The following PPFIA2 variants were observed in gnomAD, a reference collection of about 807,000 sequenced individuals.
PPFIA2 encodes PPFI scaffold protein A2, also known as liprin-alpha-2.
A neutral mutation model predicts 175.5 loss-of-function variants in PPFIA2; 46 were observed. The ratio of observed to expected loss-of-function variants is 0.26; its 90% confidence interval spans 0.21 to 0.34. PPFIA2 has a LOEUF of 0.34. PPFIA2 is among the 10% of genes least tolerant of loss of function. PPFIA2 has a pLI of 1.00. For synonymous variants in PPFIA2, 568 were observed against 511.4 expected (o/e 1.11, Z -1.49); for missense variants, 1,179 against 1,506.1 (o/e 0.78, Z 3.60).
chr12:81,539,749 G>A (rs1231589526), intron 4 of PPFIA2, among the ~76,000 whole-genome samples: 1 of 151,890 alleles, frequency 6.6e-6, no homozygotes, highest in Non-Finnish European at 1.5e-5. Flanking sequence ...ACTAGATACA[G>A]AACGAAGCAG....
At chr12:81,337,846 C>T (rs2057368922) in intron 21 of PPFIA2, among the ~76,000 whole-genome samples, 1 of 152,018 alleles carries the variant, frequency 6.6e-6, no homozygotes, top group African/African-American at 2.4e-5. Flanking sequence ...TAAGATAAAA[C>T]AAATTTTAAA....
At chr12:81,303,654 G>C (rs942420905) in intron 22 of PPFIA2, among the ~76,000 whole-genome samples, 1 of 152,086 alleles carries the variant, frequency 6.6e-6, no homozygotes, top group Non-Finnish European at 1.5e-5. Context: ...CCCAACATGT[G>C]GTGAGCACTC....
At chr12:81,737,219 G>A (rs552755373) in intron 3 of PPFIA2, among the ~76,000 whole-genome samples, 2 of 152,036 alleles carry the variant, frequency 1.3e-5, no homozygotes, top group South Asian at 4.1e-4. Context: ...AAAAAGGAGA[G>A]GCTGGCTCAG....
At chr12:81,585,921 G>A (rs573598509) in intron 4 of PPFIA2, among the ~76,000 whole-genome samples, 3 of 151,996 alleles carry the variant, frequency 2.0e-5, no homozygotes, top group Admixed American at 6.6e-5. Context: ...CCACCAGCAT[G>A]ATGCATTGTG....
At chr12:81,419,413 T>C (rs1312683374) in intron 7 of PPFIA2, among the ~76,000 whole-genome samples, 3 of 152,146 alleles carry the variant, frequency 2.0e-5, no homozygotes, top group Non-Finnish European at 4.4e-5. Context: ...GTTATTATTG[T>C]TGTTTTTATA....
At chr12:81,425,266 A>G (rs1020438578) in intron 7 of PPFIA2, among the ~76,000 whole-genome samples, 1 of 152,222 alleles carries the variant, frequency 6.6e-6, no homozygotes, top group Non-Finnish European at 1.5e-5. Flanking sequence ...CAGCACTTAC[A>G]TAAATATACT....
intron 3 of PPFIA2, among the ~76,000 whole-genome samples, chr12:81,713,006 CG>C (rs2078143765): frequency 6.6e-6 from 1 of 151,010 alleles, no homozygotes; most frequent in Non-Finnish European, 1.5e-5. Context: ...TAAAATGTCA[CG>C]ATTAACTTTT....
chr12:81,500,129 G>C (rs1378520992), intron 4 of PPFIA2, among the ~76,000 whole-genome samples: 1 of 151,996 alleles, frequency 6.6e-6, no homozygotes, highest in Non-Finnish European at 1.5e-5. Flanking sequence ...TAGTGAACAC[G>C]CACTTATCTT....
intron 4 of PPFIA2, among the ~76,000 whole-genome samples, chr12:81,575,702 T>C (rs2073394666): frequency 6.6e-6 from 1 of 151,728 alleles, no homozygotes; most frequent in Admixed American, 6.6e-5. Context: ...CAGAGGAACA[T>C]GATCATATCT....
At chr12:81,704,901 T>C (rs886771252) in intron 3 of PPFIA2, among the ~76,000 whole-genome samples, 5 of 149,100 alleles carry the variant, frequency 3.4e-5, no homozygotes, top group African/African-American at 9.9e-5. Context: ...CTGACCAACA[T>C]GGTGAAATCC....
intron 4 of PPFIA2, among the ~76,000 whole-genome samples, chr12:81,520,258 A>C (rs145674148): frequency 3.9e-5 from 6 of 152,336 alleles, no homozygotes; most frequent in Middle Eastern, 3.4e-3. Context: ...CAGGTAGTGC[A>C]GACAGCATGG....
At chr12:81,334,620 C>T (rs1328824050) in intron 21 of PPFIA2, among the ~76,000 whole-genome samples, 1 of 152,104 alleles carries the variant, frequency 6.6e-6, no homozygotes, top group African/African-American at 2.4e-5. Flanking sequence ...AATGGTTCCA[C>T]TTATTTGCAT....
chr12:81,488,671 G>A (rs188677514), intron 4 of PPFIA2, among the ~76,000 whole-genome samples: 369 of 151,752 alleles, frequency 2.4e-3, no homozygotes, highest in Non-Finnish European at 4.5e-3. Flanking sequence ...TCATTCTTTA[G>A]GGCTTTGATG....
rs146868869 is a variant in PPFIA2, at chr12:81,303,159, T to C, written c.2643-3777A>G. On this transcript the variant is annotated intron_variant, in intron 22 of 32. Coordinates refer to ENST00000549396, the MANE Select transcript of PPFIA2 (RefSeq NM_003625.5). ...TCTTTGTAGCCAGAATTCAACTTTT[T>C]TTAAAGGTCAAGTGACAGTTCATCC... 9.8e-5 allele frequency among the ~76,000 whole-genome samples: 15 copies of C among 152,320 alleles called. No homozygotes were observed. The East Asian group carries it at 2.5e-3, about 25-fold the overall frequency.
chr12:81,360,445 C>T (rs902525807), intron 15 of PPFIA2, among the ~76,000 whole-genome samples: 1 of 151,812 alleles, frequency 6.6e-6, no homozygotes, highest in Non-Finnish European at 1.5e-5. Flanking sequence ...ACCCATCGCT[C>T]TGCTTCCTGG....
chr12:81,686,124 T>A (rs1337013512), intron 3 of PPFIA2, among the ~76,000 whole-genome samples: 1 of 151,990 alleles, frequency 6.6e-6, no homozygotes, highest in African/African-American at 2.4e-5. Context: ...TTGGCATGCA[T>A]ATGGTGACTT....
intron 22 of PPFIA2, among the ~76,000 whole-genome samples, chr12:81,318,212 T>C (rs1055140314): frequency 2.6e-5 from 4 of 151,740 alleles, no homozygotes; most frequent in Non-Finnish European, 5.9e-5. Flanking sequence ...CTCACTAGTA[T>C]GGTCATGTTC....
At position 81,559,241 on chromosome 12, in the gene PPFIA2, C is replaced by T. The variant is rs1594929066; in HGVS notation, c.304-101375G>A. Among the ~76,000 whole-genome samples, 3 of 152,134 alleles carry T rather than the reference C, an allele frequency of 2.0e-5. No homozygotes were observed. In the South Asian group the frequency reaches 6.2e-4, roughly 32 times the overall value. On this transcript the variant is annotated intron_variant, in intron 4 of 32. Coordinates refer to ENST00000549396, the MANE Select transcript of PPFIA2 (RefSeq NM_003625.5). ...ATAAGAGGGTTAAAGGACCTTGATG[C>T]TCATTATTAAAAAGGAATGTGGGTG...
intron 24 of PPFIA2, 146 bp from the exon 25 acceptor site, chr12:81,284,449 G>A: frequency 1.7e-6 from 1 of 604,564 alleles, no homozygotes. Flanking sequence ...GAGACAGCAT[G>A]GCTGGTTTGC....
Sources: allele counts gnomAD v4.1 joint callset (sites outside exome capture counted in the v4.1 genomes callset), GRCh38; gene constraint gnomAD v4.1.1; transcripts MANE v1.5; gene names NCBI Gene and HGNC (gene_info 2026-07-23, HGNC 2026-07-21).